Variants in FRAS1 observed in about 807,000 individuals in gnomAD.
FRAS1 encodes the protein Fraser extracellular matrix complex subunit 1.
A neutral mutation model predicts 435.2 loss-of-function variants in FRAS1; 290 were observed. The ratio of observed to expected loss-of-function variants is 0.67; its 90% CI spans 0.61 to 0.73. The LOEUF (loss-of-function observed/expected upper bound fraction) is 0.73. Ranked by LOEUF, FRAS1 falls within the 30% of genes least tolerant of loss-of-function variation. FRAS1 has a pLI of 0.00. For missense variants in FRAS1, 4,860 were observed against 5,001.5 expected, an observed-to-expected ratio of 0.97 and a Z score of 0.85; for synonymous variants, 1,800 against 1,851.0, an observed-to-expected ratio of 0.97 and a Z score of 0.71.
rs540211877 is a variant in FRAS1 at position 78,503,745 on chromosome 4, G to T, written c.9317-3676G>T. Among the ~76,000 whole-genome samples, 40 of 152,168 alleles carry T rather than the reference G, an allele frequency of 2.6e-4. 1 individual carries two copies. Among genetic ancestry groups the T allele is most frequent in the South Asian group, 1.9e-3 (9 of 4,810 alleles). On this transcript the variant is annotated intron_variant, in intron 61 of 73. Transcript: ENST00000512123. Reference sequence around the variant, plus strand: ...TCTATTCTGATCTTAGTTATTTCTTGCCTTTTGATGGCTTGTGAATTTGTT... The same window carrying T: ...TCTATTCTGATCTTAGTTATTTCTTTCCTTTTGATGGCTTGTGAATTTGTT...
At position 78,473,537 on chromosome 4, in the gene FRAS1, A is replaced by G. The variant is rs144530996; in HGVS notation, c.7622A>G (p.Asn2541Ser). 1,450 of 1,613,108 alleles carry G rather than the reference A, an allele frequency of 9.0e-4. 5 individuals carry two copies. Among genetic ancestry groups the G allele is most frequent in the Middle Eastern group, 4.5e-3 (27 of 6,058 alleles). The change falls in exon 53 of 74, where the codon AAT (asparagine) becomes AGT (serine). Residue 2541 changes from asparagine to serine, a missense_variant. Coordinates refer to ENST00000512123, the MANE Select transcript of FRAS1 (RefSeq NM_025074.7). ...FQFLVKDSKPNVVSDNVFHIQ... is the reference protein window; with the variant it reads ...FQFLVKDSKPSVVSDNVFHIQ... ...TTTCTGGTGAAAGACAGTAAACCCA[A>G]TGTGGTCAGCGACAATGTCTTCCAT...
chr4:78,490,350 T>A (rs887320476), intron 59 of FRAS1, among the ~76,000 whole-genome samples: 2 of 152,280 alleles, frequency 1.3e-5, no homozygotes, highest in African/African-American at 4.8e-5. Context: ...CAACAGAATA[T>A]ACATTCTTCT....
intron 4 of FRAS1, among the ~76,000 whole-genome samples, chr4:78,246,503 C>T (rs757126560): frequency 2.0e-5 from 3 of 152,170 alleles, no homozygotes; most frequent in Non-Finnish European, 2.9e-5. Flanking sequence ...GTCTTCAGAC[C>T]ACGTATCACT....
At chr4:78,431,403 T>TA (rs1734214899) in intron 37 of FRAS1, among the ~76,000 whole-genome samples, 1 of 152,220 alleles carries the variant, frequency 6.6e-6, no homozygotes, top group African/African-American at 2.4e-5. Flanking sequence ...AAGGCGTTGA[T>TA]AAAAAGTTAG....
At chr4:78,288,404 C>A (rs76182050) in intron 14 of FRAS1, among the ~76,000 whole-genome samples, 2,504 of 152,302 alleles carry the variant, frequency 0.016, 31 homozygotes, top group Middle Eastern at 0.031. Flanking sequence ...TACACACATA[C>A]CACATACATA....
chr4:78,213,320 T>C (rs1026223132), intron 2 of FRAS1, among the ~76,000 whole-genome samples: 6 of 152,248 alleles, frequency 3.9e-5, no homozygotes, highest in African/African-American at 1.4e-4. Context: ...TGAACATATT[T>C]CTCCTCCTTC....
At chr4:78,311,077 A>G (rs979351651) in intron 15 of FRAS1, among the ~76,000 whole-genome samples, 10 of 151,692 alleles carry the variant, frequency 6.6e-5, no homozygotes, top group East Asian at 1.9e-4. Context: ...TATTTATGCC[A>G]TTATGAAGGG....
intron 29 of FRAS1, among the ~76,000 whole-genome samples, chr4:78,397,249 C>A (rs1732707809): frequency 6.6e-6 from 1 of 152,208 alleles, no homozygotes; most frequent in Admixed American, 6.5e-5. Flanking sequence ...CTGAAACTTT[C>A]TCTGTATGTG....
intron 6 of FRAS1, among the ~76,000 whole-genome samples, chr4:78,256,726 A>C (rs1475291098): frequency 6.6e-6 from 1 of 152,230 alleles, no homozygotes; most frequent in East Asian, 1.9e-4. Flanking sequence ...ATTTGGTACC[A>C]TACTTTAGAG....
intron 45 of FRAS1, among the ~76,000 whole-genome samples, chr4:78,450,920 G>A (rs745824043): frequency 6.6e-5 from 10 of 151,970 alleles, no homozygotes; most frequent in South Asian, 4.1e-4. Flanking sequence ...TGGGGAAAAC[G>A]TAATCCACAG....
intron 9 of FRAS1, among the ~76,000 whole-genome samples, chr4:78,269,215 A>G (rs1726526318): frequency 6.6e-6 from 1 of 152,226 alleles, no homozygotes; most frequent in African/African-American, 2.4e-5. Flanking sequence ...AAGGCTCGTT[A>G]TGACCTTAAG....
At chr4:78,221,645 C>A (rs1483440843) in intron 2 of FRAS1, among the ~76,000 whole-genome samples, 1 of 152,112 alleles carries the variant, frequency 6.6e-6, no homozygotes, top group South Asian at 2.1e-4. Context: ...TGTGGCTCAC[C>A]GTCCTCCCAT....
chr4:78,455,358 C>A (rs1719156833), intron 47 of FRAS1, among the ~76,000 whole-genome samples: 4 of 152,200 alleles, frequency 2.6e-5, no homozygotes, highest in Admixed American at 2.6e-4. Flanking sequence ...CAAAAAGGAG[C>A]AGCACCTCAC....
rs201963922 is a variant in FRAS1, at chr4:78,519,367, G to A, written c.10426G>A (p.Val3476Met). Residue 3476 changes from valine (V) to methionine (M), a missense_variant, in exon 67 of 74, where the codon GTG becomes ATG. Val to Met is a conservative substitution (Grantham distance 21). Transcript: ENST00000512123. ...TGCCCAGTCCTTCTTGACAGTGCAC[G>A]TGCCTCTATATGTGTCCTACATCTA... ...DSAQSFLTVH[V>M]PLYVSYIYVT... 549 of 1,594,338 alleles carry A rather than the reference G, an allele frequency of 3.4e-4. No homozygotes were observed. The highest frequency in any genetic ancestry group is 5.0e-4 in the Middle Eastern group (3 of 5,982).
At chr4:78,506,034 C>T (rs954791161) in intron 61 of FRAS1, among the ~76,000 whole-genome samples, 2 of 152,144 alleles carry the variant, frequency 1.3e-5, no homozygotes, top group Admixed American at 1.3e-4. Flanking sequence ...CACTCCAGAC[C>T]CTGTTTGCCT....
At chr4:78,373,116 C>T (rs141995982) in intron 24 of FRAS1, among the ~76,000 whole-genome samples, 22 of 152,214 alleles carry the variant, frequency 1.4e-4, no homozygotes, top group Non-Finnish European at 3.1e-4. Flanking sequence ...TATGTGTTAG[C>T]TGTTACTTTC....
intron 9 of FRAS1, among the ~76,000 whole-genome samples, chr4:78,269,100 T>C (rs1726520167): frequency 6.6e-6 from 1 of 152,264 alleles, no homozygotes; most frequent in Admixed American, 6.5e-5. Flanking sequence ...AACATATCTC[T>C]TAGCCTTCTT....
At chr4:78,413,722 G>A (rs1733445350) in intron 32 of FRAS1, among the ~76,000 whole-genome samples, 1 of 152,210 alleles carries the variant, frequency 6.6e-6, no homozygotes, top group Non-Finnish European at 1.5e-5. Context: ...AGGCAGCAAG[G>A]ATGTGTGATG....
chr4:78,245,216 T>A lies in FRAS1; in HGVS notation c.217-17T>A, dbSNP rs1367367009. On this transcript the variant is annotated splice_polypyrimidine_tract_variant and intron_variant, in intron 3 of 73. Coordinates refer to ENST00000512123, the MANE Select transcript of FRAS1 (RefSeq NM_025074.7). ...GTGCTGCTGCTGTTTTACTTTGAGC[T>A]GCTTTTAAATGCTCAGGGAGAAGTG... 6.3e-7 allele frequency: 1 copy of A among 1,579,814 alleles called. No individual in the cohort carries two copies. The highest frequency in any genetic ancestry group is 8.6e-7 in the Non-Finnish European group (1 of 1,157,448).
Sources: gnomAD v4.1 joint callset for allele counts (sites outside exome capture counted in the v4.1 genomes callset) on GRCh38, gnomAD v4.1.1 for gene constraint, MANE v1.5 for transcripts, NCBI Gene and HGNC (gene_info 2026-07-23, HGNC 2026-07-21) for gene names.